The following SLC1A5 variants were observed in gnomAD, a reference collection of about 807,000 sequenced individuals.
SLC1A5 encodes the protein solute carrier family 1 member 5.
Under a neutral mutation model 34.9 loss-of-function variants are expected in SLC1A5, and 25 were observed. That is an observed-to-expected ratio of 0.72 (90% CI 0.52 to 1.00). SLC1A5 has a LOEUF of 1.00. Among genes scored for constraint, SLC1A5 ranks in the 50% least tolerant of loss-of-function variants. SLC1A5 has a pLI of 0.00. For missense variants in SLC1A5, 637 were observed against 740.0 expected (o/e 0.86, Z 1.61); for synonymous variants, 351 against 341.2 (o/e 1.03, Z -0.32).
intron 4 of SLC1A5, among the ~76,000 whole-genome samples, chr19:46,779,624 A>G (rs890614678): frequency 1.3e-5 from 2 of 152,108 alleles, no homozygotes; most frequent in Admixed American, 6.6e-5. Flanking sequence ...GAGGCTGGGC[A>G]CAGTGGCTCA....
intron 4 of SLC1A5, among the ~76,000 whole-genome samples, chr19:46,780,787 A>G (rs113214891): frequency 0.12 from 18,000 of 151,816 alleles, 1,150 homozygotes; most frequent in African/African-American, 0.15. Flanking sequence ...CCTGGCCAAC[A>G]TGGCAAAACC....
intron 3 of SLC1A5, among the ~76,000 whole-genome samples, chr19:46,783,445 A>G (rs2055162685): frequency 6.7e-6 from 1 of 149,722 alleles, no homozygotes; most frequent in East Asian, 2.0e-4. Flanking sequence ...CAGCCTGGAC[A>G]ACAAGTACAA....
At chr19:46,784,663 G>C (rs923353193) in intron 1 of SLC1A5, 104 bp from the exon 2 acceptor site, 8 of 1,608,620 alleles carry the variant, frequency 5.0e-6, no homozygotes, top group Non-Finnish European at 6.8e-6. Flanking sequence ...GAAGCTTTGG[G>C]GGCCCGCCTG....
intron 4 of SLC1A5, 45 bp downstream of exon 4, chr19:46,782,338 A>ACCCAGCCACCCCCCCCCCCCCCCCC: frequency 9.9e-7 from 1 of 1,009,382 alleles, no homozygotes; most frequent in Non-Finnish European, 1.5e-6. Flanking sequence ...CAGCAGACCG[A>ACCCAGCCACCCCCCCCCCCCCCCCC]CCCTCCAACC....
In SLC1A5 at chr19:46,788,004, G is replaced by C; in HGVS notation, c.-39C>G. On this transcript the variant is annotated 5_prime_UTR_variant, in exon 1 of 8. Transcript: ENST00000542575. ...GGGGTTTCTTAGCGCCTGGAAGCTG[G>C]CTGGGAGCGCTTGGGCTCCTTCCCA... 8 of 1,494,954 alleles carry C rather than the reference G, an allele frequency of 5.4e-6. No individual in the cohort carries two copies. Among genetic ancestry groups the C allele is most frequent in the Non-Finnish European group, 7.1e-6 (8 of 1,124,114 alleles). 92.6% of individuals were successfully genotyped at this position (1,494,954 alleles called of 1,614,324 possible).
intron 5 of SLC1A5, 37 bp from the exon 6 acceptor site, chr19:46,777,442 C>T (rs1222676741): frequency 6.4e-7 from 1 of 1,552,064 alleles, no homozygotes. Flanking sequence ...GGTTAACCTG[C>T]TGACCGGGGC....
chr19:46,781,409 A>C (rs1314810351), intron 4 of SLC1A5, among the ~76,000 whole-genome samples: 1 of 151,922 alleles, frequency 6.6e-6, no homozygotes, highest in African/African-American at 2.4e-5. Flanking sequence ...GACCAGCCTG[A>C]CCAACATGGA....
intron 1 of SLC1A5, chr19:46,784,924 T>A (rs1288726100): frequency 8.2e-7 from 1 of 1,220,290 alleles, no homozygotes; most frequent in Admixed American, 4.0e-5. Flanking sequence ...CACTTCCTCC[T>A]GGAGGGCCTG....
At chr19:46,782,570 G>A (rs778439337) in intron 3 of SLC1A5, 21 bp from the exon 4 acceptor site, 27 of 1,612,996 alleles carry the variant, frequency 1.7e-5, no homozygotes, top group South Asian at 1.2e-4. Flanking sequence ...GGAACAGATC[G>A]GGGTGGAAAG....
chr19:46,777,379 T>C lies in SLC1A5; in HGVS notation c.1085A>G (p.Lys362Arg). ...CACGCCATTATTCTCCTCCACGCAC[T>C]TCATCATCAGCGGCAGCGTGGCGGA... ...SSSATLPLMM[K>R]CVEENNGVAK... Residue 362 changes from lysine to arginine, a missense_variant, in exon 6 of 8, where the codon AAG becomes AGG. Transcript: ENST00000542575. 3 of 1,611,360 alleles carry C rather than the reference T, an allele frequency of 1.9e-6. No homozygotes were observed. The South Asian group carries it at 3.3e-5, about 18-fold the overall frequency.
chr19:46,783,068 T>C (rs1022095030), intron 3 of SLC1A5, among the ~76,000 whole-genome samples: 15 of 152,164 alleles, frequency 9.9e-5, no homozygotes, highest in Non-Finnish European at 1.8e-4. Context: ...AGGGAGCCCT[T>C]GGTCATAGAC....
intron 4 of SLC1A5, 41 bp downstream of exon 4, chr19:46,782,342 T>TCCCACCCCCCCCCCCCCCCCCCCC: frequency 3.8e-6 from 2 of 523,370 alleles, no homozygotes; most frequent in African/African-American, 2.3e-5. Flanking sequence ...AGACCGACCC[T>TCCCACCCCCCCCCCCCCCCCCCCC]CCAACCCCAC....
At chr19:46,780,746 G>A (rs111917813) in intron 4 of SLC1A5, among the ~76,000 whole-genome samples, 4 of 152,002 alleles carry the variant, frequency 2.6e-5, no homozygotes, top group African/African-American at 9.6e-5. Flanking sequence ...CGAAGAGGGC[G>A]GATCGCTTGA....
chr19:46,779,501 GAGAC>G (rs1339270523), intron 4 of SLC1A5, among the ~76,000 whole-genome samples: 1 of 151,964 alleles, frequency 6.6e-6, no homozygotes, highest in Non-Finnish European at 1.5e-5. Context: ...CTTCACATGG[GAGAC>G]AGAAAGAAAT....
At chr19:46,785,623 A>C (rs2055180790) in intron 1 of SLC1A5, among the ~76,000 whole-genome samples, 1 of 152,186 alleles carries the variant, frequency 6.6e-6, no homozygotes, top group Non-Finnish European at 1.5e-5. Context: ...AGCACTCCAC[A>C]TGCTCCCTCT....
At position 46,782,549 on chromosome 19, in the gene SLC1A5, C is replaced by T; in HGVS notation, c.658G>A (p.Val220Met). 1 of 1,613,990 alleles carries T rather than the reference C, an allele frequency of 6.2e-7. No individual in the cohort carries two copies. Among genetic ancestry groups the T allele is most frequent in the South Asian group, 1.1e-5 (1 of 91,080 alleles). Residue 220 changes from valine to methionine, a missense_variant and splice_region_variant, in exon 4 of 8, where the codon GTG becomes ATG. Transcript: ENST00000542575. ...ERNITGTRVK[V>M]PVGQEVEGMN... ...CCCTCCACCTCCTGCCCCACGGGCA[C>T]CTGTGGGCAAGGAACAGATCGGGGT... is the stretch of plus-strand genomic sequence containing the variant.
Position 46,783,238 on chromosome 19 carries a change from CAGATCACCTGAGGT to C in SLC1A5, c.658-703_658-690del, listed in dbSNP as rs1599733825. 2.6e-5 allele frequency among the ~76,000 whole-genome samples: 4 copies of C among 151,950 alleles called. No individual in the cohort carries two copies. The East Asian group carries it at 7.7e-4, about 29-fold the overall frequency. The stretch of plus-strand genomic sequence containing the variant: ...CAGCACTTTGGGAGGCTAAGGTGGG[CAGATCACCTGAGGT>C]GGGGAGTTCCAGACCACACTGACCA... On this transcript the variant is annotated intron_variant, in intron 3 of 7. Transcript: ENST00000542575.
chr19:46,776,432 T>C (rs2055089693), intron 7 of SLC1A5, among the ~76,000 whole-genome samples: 1 of 152,134 alleles, frequency 6.6e-6, no homozygotes, highest in Non-Finnish European at 1.5e-5. Context: ...TGTCTCAAAC[T>C]CCTAACCTCA....
rs768055664 is a variant in SLC1A5, at chr19:46,787,899, G to A, written c.67C>T (p.Leu23=). 4.5e-6 allele frequency: 7 copies of A among 1,571,502 alleles called. No homozygotes were observed. Among genetic ancestry groups the A allele is most frequent in the South Asian group, 1.2e-5 (1 of 86,476 alleles). The change falls in exon 1 of 8, where the codon CTG becomes TTG. Residue 23 remains leucine (L), a synonymous_variant. Transcript: ENST00000542575. The surrounding 1 kb of genome is among the most constrained non-coding windows in gnomAD (Gnocchi z 5.2). ...AAAEPTANGG[L]ALASIEDQGA... ...TGGTCCTCGATGGAGGCCAGCGCCA[G>A]GCCCCCGTTGGCGGTGGGCTCCGCC... is the stretch of plus-strand genomic sequence containing the variant.
Sources: allele counts gnomAD v4.1 joint callset (sites outside exome capture counted in the v4.1 genomes callset), GRCh38; gene constraint gnomAD v4.1.1; non-coding constraint Gnocchi (gnomAD v3.1); transcripts MANE v1.5; gene names NCBI Gene and HGNC (gene_info 2026-07-23, HGNC 2026-07-21).